The following SUSD1 variants were observed in gnomAD, a reference collection of about 807,000 sequenced individuals.
SUSD1 encodes the protein sushi domain containing 1.
Under a neutral mutation model 86.9 loss-of-function variants are expected in SUSD1, and 65 were observed. That is an observed-to-expected ratio of 0.75 (90% CI 0.61 to 0.92). The LOEUF (loss-of-function observed/expected upper bound fraction) is 0.92. Ranked by LOEUF, SUSD1 falls within the 40% of genes least tolerant of loss-of-function variation. The probability of loss-of-function intolerance (pLI) is 0.00; values close to 1 mark genes in which losing one functional copy is unlikely to be tolerated. For missense variants in SUSD1, 850 were observed against 929.7 expected, an observed-to-expected ratio of 0.91 and a Z score of 1.11; for synonymous variants, 346 against 350.0, an observed-to-expected ratio of 0.99 and a Z score of 0.13.
chr9:112,094,560 T>G (rs767474941), intron 10 of SUSD1, among the ~76,000 whole-genome samples: 5 of 152,222 alleles, frequency 3.3e-5, no homozygotes, highest in Non-Finnish European at 5.9e-5. Context: ...ACTCTGTTCC[T>G]AGAAATGAGA....
At chr9:112,099,068 G>A (rs1434968822) in intron 9 of SUSD1, among the ~76,000 whole-genome samples, 6 of 147,166 alleles carry the variant, frequency 4.1e-5, no homozygotes, top group Admixed American at 7.0e-5. Flanking sequence ...TCTCTTTTCT[G>A]AGACAGGGTC....
Position 112,157,394 on chromosome 9 carries a change from G to A in SUSD1, c.217+106C>T, listed in dbSNP as rs112175411. Reference sequence around the variant, plus strand: ...ACAAAACTTCTCATAATAAAAACATGTGAACAAAATAACAATGTTTTTCCC... The same window carrying A: ...ACAAAACTTCTCATAATAAAAACATATGAACAAAATAACAATGTTTTTCCC... On this transcript the variant is annotated intron_variant, in intron 2 of 16. Transcript: ENST00000374270. 3 of 739,576 alleles carry A rather than the reference G, an allele frequency of 4.1e-6. No individual in the cohort carries two copies. In the African/African-American group the frequency reaches 5.3e-5, roughly 13 times the overall value. 45.8% of individuals were successfully genotyped at this position (739,576 alleles called of 1,614,324 possible). A position where few individuals can be genotyped will look rare whatever the true frequency, so the allele number is the denominator to read the frequency against.
At chr9:112,052,564 A>G in intron 14 of SUSD1, 126 bp from the exon 15 acceptor site, 1 of 1,046,132 alleles carries the variant, frequency 9.6e-7, no homozygotes, top group African/African-American at 1.6e-5. Context: ...TAGACCTTTA[A>G]AGTCCAATCT....
chr9:112,102,339 A>G, intron 8 of SUSD1, 54 bp from the exon 9 acceptor site: 11 of 906,146 alleles, frequency 1.2e-5, no homozygotes, highest in Non-Finnish European at 1.8e-5. Flanking sequence ...AGCAAAATGC[A>G]TCATGGCTGA....
At chr9:112,158,352 G>C (rs187648496) in intron 1 of SUSD1, among the ~76,000 whole-genome samples, 1 of 152,116 alleles carries the variant, frequency 6.6e-6, no homozygotes, top group Non-Finnish European at 1.5e-5. Flanking sequence ...TTAAGACCCA[G>C]CTTAATGTCA....
intron 8 of SUSD1, among the ~76,000 whole-genome samples, chr9:112,108,222 C>G (rs1830930955): frequency 6.6e-6 from 1 of 152,112 alleles, no homozygotes; most frequent in Non-Finnish European, 1.5e-5. Context: ...ATTATTCTGT[C>G]AAACAGAAAA....
At chr9:112,053,714 A>G (rs546333325) in intron 14 of SUSD1, among the ~76,000 whole-genome samples, 124 of 152,304 alleles carry the variant, frequency 8.1e-4, no homozygotes, top group African/African-American at 2.9e-3. Context: ...GGGGGAATGG[A>G]GTATATCAAA....
At chr9:112,046,184 T>C (rs1193751449) in intron 15 of SUSD1, among the ~76,000 whole-genome samples, 1 of 152,236 alleles carries the variant, frequency 6.6e-6, no homozygotes, top group Admixed American at 6.5e-5. Flanking sequence ...CTCACAAGTG[T>C]TGCCACACAA....
chr9:112,130,428 G>A (rs1831969798), intron 5 of SUSD1, among the ~76,000 whole-genome samples: 1 of 149,920 alleles, frequency 6.7e-6, no homozygotes, highest in South Asian at 2.1e-4. Flanking sequence ...GGAAAGAGGA[G>A]AGAGGAGAGG....
intron 10 of SUSD1, among the ~76,000 whole-genome samples, chr9:112,087,151 C>T (rs1830019274): frequency 6.6e-6 from 1 of 151,966 alleles, no homozygotes; most frequent in Non-Finnish European, 1.5e-5. Flanking sequence ...AAGAAAACTC[C>T]TTGAGTCAGA....
At chr9:112,129,328 T>G (rs1831916134) in intron 5 of SUSD1, among the ~76,000 whole-genome samples, 1 of 152,190 alleles carries the variant, frequency 6.6e-6, no homozygotes, top group South Asian at 2.1e-4. Context: ...TTGTTTTGTT[T>G]TGAGACAGGG....
intron 2 of SUSD1, 65 bp from the exon 3 acceptor site, chr9:112,149,464 T>C (rs1243674448): frequency 2.5e-6 from 4 of 1,569,790 alleles, no homozygotes; most frequent in Non-Finnish European, 3.5e-6. Context: ...CAGCCCAGAC[T>C]GTCCTCCCAT....
intron 12 of SUSD1, among the ~76,000 whole-genome samples, chr9:112,070,242 G>A (rs1399120346): frequency 6.6e-6 from 1 of 152,102 alleles, no homozygotes; most frequent in Admixed American, 6.6e-5. Context: ...CTGACCCCAG[G>A]TGATTCCACC....
intron 10 of SUSD1, among the ~76,000 whole-genome samples, chr9:112,086,801 T>A (rs1022080399): frequency 1.3e-5 from 2 of 151,618 alleles, no homozygotes; most frequent in Admixed American, 6.6e-5. Context: ...GAAGAATACA[T>A]GATTCATGCC....
intron 13 of SUSD1, among the ~76,000 whole-genome samples, chr9:112,060,777 C>T (rs1243667420): frequency 1.3e-5 from 2 of 152,250 alleles, no homozygotes; most frequent in African/African-American, 2.4e-5. Context: ...GACATCCCTA[C>T]ATCATAGCCA....
intron 14 of SUSD1, among the ~76,000 whole-genome samples, 173 bp downstream of exon 14, chr9:112,058,255 C>A (rs1828539896): frequency 6.6e-6 from 1 of 152,216 alleles, no homozygotes; most frequent in Non-Finnish European, 1.5e-5. Context: ...GAATCCATAT[C>A]ATCTGTAAGG....
At chr9:112,093,782 G>A (rs1490291373) in intron 10 of SUSD1, among the ~76,000 whole-genome samples, 1 of 152,162 alleles carries the variant, frequency 6.6e-6, no homozygotes, top group African/African-American at 2.4e-5. Context: ...GCACCATGAT[G>A]GAAGATGAGA....
intron 1 of SUSD1, among the ~76,000 whole-genome samples, chr9:112,161,897 A>T (rs566323277): frequency 1.3e-5 from 2 of 152,274 alleles, no homozygotes; most frequent in South Asian, 4.1e-4. Context: ...GATGATGAAA[A>T]AGTTCTGAAG....
intron 8 of SUSD1, among the ~76,000 whole-genome samples, chr9:112,105,374 AT>A (rs1830794171): frequency 6.6e-6 from 1 of 152,184 alleles, no homozygotes; most frequent in African/African-American, 2.4e-5. Context: ...CAGAGATGTA[AT>A]AAAAGAAAAT....
Sources: gnomAD v4.1 joint callset for allele counts (sites outside exome capture counted in the v4.1 genomes callset) on GRCh38, gnomAD v4.1.1 for gene constraint, MANE v1.5 for transcripts, NCBI Gene and HGNC (gene_info 2026-07-23, HGNC 2026-07-21) for gene names.